Variants in FGF7 observed in about 807,000 individuals in gnomAD.
FGF7 encodes fibroblast growth factor 7.
A neutral mutation model predicts 20.5 loss-of-function variants in FGF7; 6 were observed. The observed-to-expected ratio is 0.29, with a 90% CI of 0.16 to 0.58. The LOEUF (loss-of-function observed/expected upper bound fraction) is 0.58, where lower values mean the gene tolerates loss of function less well. Among genes scored for constraint, FGF7 ranks in the 20% least tolerant of loss-of-function variants. The pLI is 0.90. For synonymous variants in FGF7, 64 were observed against 74.7 expected (o/e 0.86, Z 0.74); for missense variants, 144 against 228.8 (o/e 0.63, Z 2.39).
At chr15:49,455,660 G>C (rs1305104486) in intron 2 of FGF7, among the ~76,000 whole-genome samples, 1 of 152,114 alleles carries the variant, frequency 6.6e-6, no homozygotes, top group Non-Finnish European at 1.5e-5. Flanking sequence ...TTTCTAAACA[G>C]ACATATTTTT....
intron 2 of FGF7, among the ~76,000 whole-genome samples, chr15:49,455,268 T>C (rs1016579395): frequency 6.6e-6 from 1 of 152,184 alleles, no homozygotes; most frequent in Non-Finnish European, 1.5e-5. Context: ...AAAGCGGCCA[T>C]GGTATCCCTA....
In FGF7 at chr15:49,477,059, C is replaced by T. The variant is rs1280760543; in HGVS notation, c.287-6092C>T. On this transcript the variant is annotated intron_variant, in intron 2 of 3. Coordinates refer to ENST00000267843, the MANE Select transcript of FGF7 (RefSeq NM_002009.4). ...TGGGCGACAAAGCGAGACTCTGTCT[C>T]GAAAAAAAAAAAAAAATTGAGCAGA... Among the ~76,000 whole-genome samples, 9 of 83,712 alleles carry T rather than the reference C, an allele frequency of 1.1e-4. No homozygotes were observed. In the East Asian group the frequency reaches 2.0e-3, roughly 19 times the overall value. The allele number at this position is 83,712 out of a possible 152,430, so 54.9% of individuals were successfully genotyped here. A position where few individuals can be genotyped will look rare whatever the true frequency, so the allele number is the denominator to read the frequency against.
At chr15:49,429,671 A>T (rs898190630) in intron 2 of FGF7, among the ~76,000 whole-genome samples, 1 of 151,930 alleles carries the variant, frequency 6.6e-6, no homozygotes, top group African/African-American at 2.4e-5. Flanking sequence ...ACTTTAAAAA[A>T]ATACTGATGC....
intron 2 of FGF7, among the ~76,000 whole-genome samples, chr15:49,455,200 T>C (rs766968946): frequency 3.3e-5 from 5 of 152,196 alleles, no homozygotes; most frequent in Non-Finnish European, 7.3e-5. Flanking sequence ...AGTCTGGTGA[T>C]ATTCCTGTTC....
chr15:49,465,662 C>A (rs1156495554), intron 2 of FGF7, among the ~76,000 whole-genome samples: 1 of 152,042 alleles, frequency 6.6e-6, no homozygotes, highest in African/African-American at 2.4e-5. Flanking sequence ...GAGTTGGCAT[C>A]ATAAAATACA....
intron 2 of FGF7, among the ~76,000 whole-genome samples, chr15:49,472,734 T>C (rs145679953): frequency 4.9e-4 from 74 of 152,184 alleles, no homozygotes; most frequent in African/African-American, 1.5e-3. Flanking sequence ...AATAGAAAGC[T>C]TATTATGCCT....
At chr15:49,465,571 A>T (rs531042261) in intron 2 of FGF7, among the ~76,000 whole-genome samples, 8 of 146,656 alleles carry the variant, frequency 5.5e-5, no homozygotes, top group Non-Finnish European at 1.2e-4. Context: ...TAGATTCAAG[A>T]GAGATTTAGC....
rs570883589 is a variant in FGF7 at position 49,432,816 on chromosome 15, C to A, written c.286+8233C>A. Among the ~76,000 whole-genome samples, 36 of 151,546 alleles carry A rather than the reference C, an allele frequency of 2.4e-4. No individual in the cohort carries two copies. In the East Asian group the frequency reaches 4.7e-3, roughly 20 times the overall value. ...TGGGATTTAAGCCTAATTTAAAATTCTTTCTGAGTTCTGAGCAGATTTATA... is the reference window on the plus strand; with the variant it reads ...TGGGATTTAAGCCTAATTTAAAATTATTTCTGAGTTCTGAGCAGATTTATA... On this transcript the variant is annotated intron_variant, in intron 2 of 3. Transcript: ENST00000267843.
At chr15:49,474,481 A>G (rs1319236560) in intron 2 of FGF7, among the ~76,000 whole-genome samples, 1 of 152,240 alleles carries the variant, frequency 6.6e-6, no homozygotes, top group East Asian at 1.9e-4. Flanking sequence ...TAATGAGATT[A>G]TATAGCTGAC....
At chr15:49,481,119 A>G (rs2055904087) in intron 2 of FGF7, among the ~76,000 whole-genome samples, 1 of 152,210 alleles carries the variant, frequency 6.6e-6, no homozygotes, top group Non-Finnish European at 1.5e-5. Flanking sequence ...TTGAAGGAAA[A>G]GAAAATATTG....
rs2054519332 is a variant in FGF7, at chr15:49,469,171, CATTT to C, written c.287-13975_287-13972del. 2.0e-5 allele frequency among the ~76,000 whole-genome samples: 3 copies of C among 151,966 alleles called. No individual in the cohort carries two copies. The South Asian group carries it at 6.2e-4, about 32-fold the overall frequency. ...AATAAATGTAAAATGGTACTTGAGT[CATTT>C]ATTTTCTTATAAGACATTTGTCTAT... On this transcript the variant is annotated intron_variant, in intron 2 of 3. Transcript: ENST00000267843.
chr15:49,454,861 G>A lies in FGF7; in HGVS notation c.287-28290G>A, dbSNP rs1465469831. 2.6e-5 allele frequency among the ~76,000 whole-genome samples: 4 copies of A among 152,006 alleles called. No individual in the cohort carries two copies. In the South Asian group the frequency reaches 8.3e-4, roughly 32 times the overall value. Reference sequence around the variant, plus strand: ...CCTGACCTCGTGATCCGCTCGCCTCGGCCTCCCAAAGTGCTGGGATTACAG... The same window carrying A: ...CCTGACCTCGTGATCCGCTCGCCTCAGCCTCCCAAAGTGCTGGGATTACAG... On this transcript the variant is annotated intron_variant, in intron 2 of 3. Coordinates refer to ENST00000267843, the MANE Select transcript of FGF7 (RefSeq NM_002009.4).
In FGF7 at chr15:49,423,357, T is replaced by C. The variant is rs559608834; in HGVS notation, c.-350T>C. On this transcript the variant is annotated 5_prime_UTR_variant, in exon 1 of 4. Coordinates refer to ENST00000267843, the MANE Select transcript of FGF7 (RefSeq NM_002009.4). ...AACTTTTCAGCTGAGAAATAGTTTG[T>C]AGCTACAGTAGAAAGGCTCAAGTTG... The C allele has an allele frequency of 6.6e-6, 1 of 152,298 alleles. No homozygotes were observed. The highest frequency in any genetic ancestry group is 2.1e-4 in the South Asian group (1 of 4,828). 9.4% of individuals were successfully genotyped at this position (152,298 alleles called of 1,614,324 possible). A position where few individuals can be genotyped will look rare whatever the true frequency, so the allele number is the denominator to read the frequency against.
chr15:49,486,917 T>G lies in FGF7; in HGVS notation c.*2413T>G, dbSNP rs1259339073. 1 of 151,970 alleles carries G rather than the reference T, an allele frequency of 6.6e-6. No individual in the cohort carries two copies. The highest frequency in any genetic ancestry group is 1.9e-4 in the East Asian group (1 of 5,196). The allele number at this position is 151,970 out of a possible 1,614,324, so 9.4% of individuals were successfully genotyped here. A position where few individuals can be genotyped will look rare whatever the true frequency, so the allele number is the denominator to read the frequency against. ...CCATCCCTCTTACTCATTTGTAGTC[T>G]AGGAAATTGAGATTTTGATACACCT... is the stretch of plus-strand genomic sequence containing the variant. On this transcript the variant is annotated 3_prime_UTR_variant, in exon 4 of 4. Coordinates refer to ENST00000267843, the MANE Select transcript of FGF7 (RefSeq NM_002009.4).
intron 2 of FGF7, among the ~76,000 whole-genome samples, chr15:49,465,640 CT>C (rs2054204997): frequency 6.6e-6 from 1 of 152,040 alleles, no homozygotes; most frequent in Non-Finnish European, 1.5e-5. Context: ...TTGGGGTTCT[CT>C]CAACTTTTTT....
rs2049844262 is a variant in FGF7 at position 49,423,257 on chromosome 15, C to T, written c.-450C>T. The T allele has an allele frequency of 6.6e-6, 1 of 152,306 alleles. No homozygotes were observed. Among genetic ancestry groups the T allele is most frequent in the Non-Finnish European group, 1.5e-5 (1 of 68,186 alleles). The allele number at this position is 152,306 out of a possible 1,614,324, so 9.4% of individuals were successfully genotyped here. A position where few individuals can be genotyped will look rare whatever the true frequency, so the allele number is the denominator to read the frequency against. On this transcript the variant is annotated 5_prime_UTR_variant, in exon 1 of 4. Transcript: ENST00000267843. Reference sequence around the variant, plus strand: ...TAAAAGGCTCACACACACACACAAGCACACACGCGCTCACACACAGAGAGA... The same window carrying T: ...TAAAAGGCTCACACACACACACAAGTACACACGCGCTCACACACAGAGAGA...
At chr15:49,480,880 A>G (rs2055884260) in intron 2 of FGF7, among the ~76,000 whole-genome samples, 1 of 152,224 alleles carries the variant, frequency 6.6e-6, no homozygotes, top group Non-Finnish European at 1.5e-5. Context: ...ACTTATTGTC[A>G]TGACTGGACC....
At chr15:49,480,997 C>CA (rs1379226772) in intron 2 of FGF7, among the ~76,000 whole-genome samples, 2 of 152,206 alleles carry the variant, frequency 1.3e-5, no homozygotes, top group African/African-American at 4.8e-5. Flanking sequence ...TTACAGATTC[C>CA]AGTCCCTAAT....
At chr15:49,470,382 T>C (rs987478925) in intron 2 of FGF7, among the ~76,000 whole-genome samples, 20 of 152,194 alleles carry the variant, frequency 1.3e-4, no homozygotes, top group Admixed American at 4.6e-4. Context: ...AGCAATTCTG[T>C]TGATCCTACA....
Sources: gnomAD v4.1 joint callset for allele counts (sites outside exome capture counted in the v4.1 genomes callset) on GRCh38, gnomAD v4.1.1 for gene constraint, MANE v1.5 for transcripts, NCBI Gene and HGNC (gene_info 2026-07-23, HGNC 2026-07-21) for gene names.